GRIK1: variants seen among roughly 807,000 people sequenced by gnomAD.
GRIK1 encodes the protein glutamate receptor ionotropic, kainate 1.
Under a neutral mutation model 105.7 loss-of-function variants are expected in GRIK1, and 69 were observed. The observed-to-expected ratio is 0.65, with a 90% CI of 0.54 to 0.80. GRIK1 has a LOEUF of 0.80. Among genes scored for constraint, GRIK1 ranks in the 30% least tolerant of loss-of-function variants. GRIK1 has a pLI of 0.00. For missense variants in GRIK1, 1,109 were observed against 1,167.3 expected, an observed-to-expected ratio of 0.95 and a Z score of 0.73; for synonymous variants, 438 against 431.3, an observed-to-expected ratio of 1.02 and a Z score of -0.19.
At chr21:29,658,888 T>C (rs1181460637) in intron 4 of GRIK1, among the ~76,000 whole-genome samples, 2 of 152,216 alleles carry the variant, frequency 1.3e-5, no homozygotes, top group South Asian at 2.1e-4. Flanking sequence ...TTCCCTAATA[T>C]CACTAGCATT....
chr21:29,602,077 A>G (rs998722794), intron 7 of GRIK1, among the ~76,000 whole-genome samples: 9 of 152,354 alleles, frequency 5.9e-5, no homozygotes, highest in East Asian at 1.9e-4. Context: ...TTAAGCCACT[A>G]TCAAGTTTTG....
chr21:29,867,831 AGAAAGAAAGAAGGAAG>A (rs1159632631), intron 1 of GRIK1, among the ~76,000 whole-genome samples: 1 of 150,858 alleles, frequency 6.6e-6, no homozygotes, highest in African/African-American at 2.4e-5. Context: ...AAAGAAAGAA[AGAAAGAAAGAAGGAAG>A]GAAAGAGAGA....
At chr21:29,709,741 T>C (rs1047859762) in intron 1 of GRIK1, among the ~76,000 whole-genome samples, 9 of 152,020 alleles carry the variant, frequency 5.9e-5, no homozygotes, top group Non-Finnish European at 1.2e-4. Flanking sequence ...TTTTTCACAG[T>C]TGAGTTTGAT....
chr21:29,777,691 A>G (rs1407893679), intron 1 of GRIK1, among the ~76,000 whole-genome samples: 2 of 152,222 alleles, frequency 1.3e-5, no homozygotes, highest in Non-Finnish European at 2.9e-5. Context: ...CAATGGCAGC[A>G]CGCTGAAGGA....
intron 1 of GRIK1, among the ~76,000 whole-genome samples, chr21:29,888,197 CT>C (rs2069731345): frequency 9.6e-3 from 214 of 22,200 alleles, no homozygotes; most frequent in Admixed American, 0.016. Flanking sequence ...TTCTTTCTTT[CT>C]CTCTCTCTCT....
rs544128469 is a variant in GRIK1 at position 29,820,837 on chromosome 21, C to T, written c.118+118546G>A. On this transcript the variant is annotated intron_variant, in intron 1 of 17. Coordinates refer to ENST00000327783, the MANE Select transcript of GRIK1 (RefSeq NM_001330994.2). ...AGGATTTGTATCCTAATTTTACAGA[C>T]GGCAAACTGAGGCACAGGGAGGTCA... Among the ~76,000 whole-genome samples the T allele has an allele frequency of 2.5e-4, 38 of 152,058 alleles. 1 individual carries two copies. The South Asian group carries it at 3.7e-3, about 15-fold the overall frequency.
At chr21:29,919,578 C>A (rs2071123182) in intron 1 of GRIK1, among the ~76,000 whole-genome samples, 1 of 152,142 alleles carries the variant, frequency 6.6e-6, no homozygotes, top group African/African-American at 2.4e-5. Flanking sequence ...TTTGTCTTAA[C>A]TCTTCACTGA....
At chr21:29,861,283 G>A (rs756777073) in intron 1 of GRIK1, among the ~76,000 whole-genome samples, 3 of 149,910 alleles carry the variant, frequency 2.0e-5, no homozygotes, top group Non-Finnish European at 3.0e-5. Context: ...TCATTAAGAT[G>A]ATAACTGTAG....
At chr21:29,588,706 A>T in intron 11 of GRIK1, 133 bp downstream of exon 11, 1 of 624,084 alleles carries the variant, frequency 1.6e-6, no homozygotes, top group Non-Finnish European at 2.9e-6. Context: ...CTCCATTTCC[A>T]GGCTGTTTTA....
At chr21:29,844,155 T>C (rs1458997513) in intron 1 of GRIK1, among the ~76,000 whole-genome samples, 1 of 152,228 alleles carries the variant, frequency 6.6e-6, no homozygotes, top group African/African-American at 2.4e-5. Context: ...ATTGCATTTT[T>C]TTTCCTTTGG....
At chr21:29,768,038 G>A (rs993768906) in intron 1 of GRIK1, among the ~76,000 whole-genome samples, 35 of 152,282 alleles carry the variant, frequency 2.3e-4, no homozygotes, top group Admixed American at 1.5e-3. Flanking sequence ...CCAATCTTCC[G>A]TGCTGGAGGT....
At chr21:29,593,388 T>C (rs965379379) in intron 9 of GRIK1, among the ~76,000 whole-genome samples, 1 of 152,208 alleles carries the variant, frequency 6.6e-6, no homozygotes, top group Admixed American at 6.5e-5. Flanking sequence ...TTTCTTAATC[T>C]GGCTTTAGAC....
chr21:29,740,105 C>T (rs2064888507), intron 1 of GRIK1, among the ~76,000 whole-genome samples: 1 of 152,102 alleles, frequency 6.6e-6, no homozygotes, highest in African/African-American at 2.4e-5. Flanking sequence ...TTTATTAGTA[C>T]ACGATTCATC....
intron 1 of GRIK1, among the ~76,000 whole-genome samples, chr21:29,822,330 C>T (rs991892149): frequency 6.6e-6 from 1 of 151,970 alleles, no homozygotes; most frequent in African/African-American, 2.4e-5. Context: ...TTTCCTGACC[C>T]TTGAATATTG....
intron 1 of GRIK1, among the ~76,000 whole-genome samples, chr21:29,733,070 CT>C (rs59184702): frequency 0.038 from 5,831 of 152,156 alleles, 254 homozygotes; most frequent in East Asian, 0.1. Context: ...TACATTTTGA[CT>C]GAGGGAGATG....
At chr21:29,594,825 C>T (rs1172589355) in intron 9 of GRIK1, among the ~76,000 whole-genome samples, 1 of 152,080 alleles carries the variant, frequency 6.6e-6, no homozygotes, top group Non-Finnish European at 1.5e-5. Flanking sequence ...TATTACGAAC[C>T]TTATATAACA....
At chr21:29,815,631 A>C (rs1489716631) in intron 1 of GRIK1, among the ~76,000 whole-genome samples, 1 of 152,198 alleles carries the variant, frequency 6.6e-6, no homozygotes, top group Non-Finnish European at 1.5e-5. Flanking sequence ...ACTATTATTA[A>C]AAGAGCTCAT....
chr21:29,572,001 G>A (rs758289463), intron 14 of GRIK1, among the ~76,000 whole-genome samples: 2 of 152,164 alleles, frequency 1.3e-5, no homozygotes, highest in African/African-American at 4.8e-5. Context: ...CAGCTCAAGA[G>A]AGGTTATTGT....
At chr21:29,586,267 A>G (rs1283018334) in intron 12 of GRIK1, among the ~76,000 whole-genome samples, 3 of 152,230 alleles carry the variant, frequency 2.0e-5, no homozygotes, top group Non-Finnish European at 4.4e-5. Flanking sequence ...TTCATATTGA[A>G]TGTATAAATA....
Sources: gnomAD v4.1 joint callset for allele counts (sites outside exome capture counted in the v4.1 genomes callset) on GRCh38, gnomAD v4.1.1 for gene constraint, MANE v1.5 for transcripts, NCBI Gene and HGNC (gene_info 2026-07-23, HGNC 2026-07-21) for gene names.